CPA6: variants seen among roughly 807,000 people sequenced by gnomAD.
The protein encoded by CPA6 is carboxypeptidase A6, also known as carboxypeptidase B.
Under a neutral mutation model 63.3 loss-of-function variants are expected in CPA6, and 58 were observed. The observed-to-expected ratio is 0.92, with a 90% confidence interval of 0.74 to 1.14. The LOEUF is 1.14. Among genes scored for constraint, CPA6 ranks in the 50% most tolerant of loss-of-function variants. CPA6 has a pLI of 0.00. For missense variants in CPA6, 565 were observed against 526.6 expected (o/e 1.07, Z -0.71); for synonymous variants, 185 against 179.0 (o/e 1.03, Z -0.27).
At chr8:67,587,863 A>G (rs1813988920) in intron 2 of CPA6, among the ~76,000 whole-genome samples, 1 of 152,186 alleles carries the variant, frequency 6.6e-6, no homozygotes, top group South Asian at 2.1e-4. Context: ...GACTGAGTTG[A>G]TAATACTAGT....
At chr8:67,722,107 G>C (rs944190261) in intron 1 of CPA6, among the ~76,000 whole-genome samples, 2 of 152,204 alleles carry the variant, frequency 1.3e-5, no homozygotes, top group Admixed American at 6.5e-5. Context: ...GAGCCTCTCT[G>C]AATCTATTGT....
intron 2 of CPA6, among the ~76,000 whole-genome samples, chr8:67,593,012 G>A (rs1216383973): frequency 2.7e-5 from 4 of 149,848 alleles, no homozygotes; most frequent in African/African-American, 1.0e-4. Flanking sequence ...GCTTTCTCTT[G>A]TGGGCATTTA....
At position 67,511,655 on chromosome 8, in the gene CPA6, C is replaced by G. The variant is rs886063081; in HGVS notation, c.318G>C (p.Lys106Asn). ...TTTTCTGAAGATCTTCTATGAGGACCCTGAATTTGGAATGACAGACATGAT... is the reference window on the plus strand; with the variant it reads ...TTTTCTGAAGATCTTCTATGAGGACGCTGAATTTGGAATGACAGACATGAT... ...AFLQEANIQY[K>N]VLIEDLQKTL... Residue 106 changes from lysine to asparagine, a missense_variant and splice_region_variant, in exon 4 of 11, where the codon AAG becomes AAC. Transcript: ENST00000297770. 4.5e-6 allele frequency: 7 copies of G among 1,571,290 alleles called. No individual in the cohort carries two copies. Among genetic ancestry groups the G allele is most frequent in the Non-Finnish European group, 6.1e-6 (7 of 1,141,990 alleles).
In CPA6 at chr8:67,634,373, C is replaced by T. The variant is rs551304340; in HGVS notation, c.117-10122G>A. Among the ~76,000 whole-genome samples, 161 of 150,996 alleles carry T rather than the reference C, an allele frequency of 1.1e-3. 2 individuals carry two copies. Among genetic ancestry groups the T allele is most frequent in the Non-Finnish European group, 2.1e-3 (141 of 67,968 alleles). ...AGCTGGGACTACAGGCGCCCGCTAC[C>T]ACGCCCGGCTAATTTTTTGTATTTT... On this transcript the variant is annotated intron_variant, in intron 1 of 10. Coordinates refer to ENST00000297770, the MANE Select transcript of CPA6 (RefSeq NM_020361.5).
intron 8 of CPA6, among the ~76,000 whole-genome samples, chr8:67,475,725 CTCTTTTTTTCTTTCTTTCCTTCTT>C (rs1811157792): frequency 3.3e-5 from 5 of 151,090 alleles, no homozygotes; most frequent in Non-Finnish European, 2.9e-5. Context: ...TCCTTCCCTT[CTCTTTTTTTCTTTCTTTCCTTCTT>C]TCTTTTTTTC....
At chr8:67,690,555 G>A (rs1816795196) in intron 1 of CPA6, among the ~76,000 whole-genome samples, 1 of 152,158 alleles carries the variant, frequency 6.6e-6, no homozygotes, top group Non-Finnish European at 1.5e-5. Context: ...AGCAATATTA[G>A]TGTTCAGAGT....
chr8:67,589,721 G>C (rs1814053844), intron 2 of CPA6, among the ~76,000 whole-genome samples: 1 of 152,040 alleles, frequency 6.6e-6, no homozygotes, highest in Non-Finnish European at 1.5e-5. Flanking sequence ...GAAAAACCAT[G>C]TAACCACACC....
chr8:67,644,522 G>A (rs1815671235), intron 1 of CPA6, among the ~76,000 whole-genome samples: 1 of 152,166 alleles, frequency 6.6e-6, no homozygotes, highest in African/African-American at 2.4e-5. Context: ...TGAAGTCCTG[G>A]GTTCTGTGTG....
intron 2 of CPA6, among the ~76,000 whole-genome samples, chr8:67,610,762 C>T (rs1038783347): frequency 1.2e-4 from 18 of 152,036 alleles, no homozygotes; most frequent in Non-Finnish European, 2.4e-4. Flanking sequence ...ATAATCTCAA[C>T]AAAAACCTTT....
chr8:67,515,777 C>G (rs1812132033), intron 3 of CPA6, among the ~76,000 whole-genome samples: 1 of 152,186 alleles, frequency 6.6e-6, no homozygotes, highest in African/African-American at 2.4e-5. Context: ...ACACAACACT[C>G]CCCTTCAATA....
chr8:67,508,684 G>T (rs1811981837), intron 5 of CPA6, among the ~76,000 whole-genome samples: 1 of 152,108 alleles, frequency 6.6e-6, no homozygotes, highest in Admixed American at 6.6e-5. Flanking sequence ...AGTTGTAGGG[G>T]CAAAGGCTGG....
At chr8:67,471,487 TA>T (rs1811055269) in intron 8 of CPA6, among the ~76,000 whole-genome samples, 1 of 152,222 alleles carries the variant, frequency 6.6e-6, no homozygotes, top group African/African-American at 2.4e-5. Context: ...TCTTACATAT[TA>T]AAAATACTCC....
chr8:67,478,476 T>C (rs1811290155), intron 8 of CPA6, among the ~76,000 whole-genome samples: 1 of 152,166 alleles, frequency 6.6e-6, no homozygotes, highest in African/African-American at 2.4e-5. Flanking sequence ...AACTGACATT[T>C]GAGGTTGGGG....
At chr8:67,733,237 G>A (rs1417113187) in intron 1 of CPA6, among the ~76,000 whole-genome samples, 1 of 129,128 alleles carries the variant, frequency 7.7e-6, no homozygotes, top group Non-Finnish European at 1.6e-5. Context: ...AAAAAATTTA[G>A]CGTCTATCAC....
chr8:67,588,457 T>G (rs1251208846), intron 2 of CPA6, among the ~76,000 whole-genome samples: 4 of 152,084 alleles, frequency 2.6e-5, no homozygotes, highest in South Asian at 2.1e-4. Context: ...TTTGGGTTAT[T>G]TTGGGTCTCT....
intron 2 of CPA6, among the ~76,000 whole-genome samples, chr8:67,603,871 T>C (rs1307891384): frequency 6.6e-6 from 1 of 152,238 alleles, no homozygotes; most frequent in Non-Finnish European, 1.5e-5. Flanking sequence ...TTCATAGGTC[T>C]CTATGGTGTC....
chr8:67,743,524 C>T (rs534771985), intron 1 of CPA6, among the ~76,000 whole-genome samples: 7 of 152,252 alleles, frequency 4.6e-5, no homozygotes, highest in African/African-American at 1.4e-4. Flanking sequence ...AGATTATTGA[C>T]TATGGTTACC....
intron 2 of CPA6, among the ~76,000 whole-genome samples, chr8:67,530,881 T>C (rs946023248): frequency 2.0e-5 from 3 of 152,160 alleles, no homozygotes; most frequent in Non-Finnish European, 4.4e-5. Context: ...CCTCTCCAGA[T>C]AGAGAAAGAT....
intron 1 of CPA6, among the ~76,000 whole-genome samples, chr8:67,677,342 C>T (rs79005787): frequency 1.4e-4 from 18 of 128,336 alleles, no homozygotes; most frequent in African/African-American, 2.6e-4. Flanking sequence ...AAAACACCTT[C>T]TTTTTTTTTT....
Sources: allele counts gnomAD v4.1 joint callset (sites outside exome capture counted in the v4.1 genomes callset), GRCh38; gene constraint gnomAD v4.1.1; transcripts MANE v1.5; gene names NCBI Gene and HGNC (gene_info 2026-07-23, HGNC 2026-07-21).